Variants in IMMP2L observed in about 807,000 individuals in gnomAD.
IMMP2L encodes inner mitochondrial membrane peptidase subunit 2, also known as mitochondrial inner membrane protease subunit 2.
In IMMP2L, 18 loss-of-function variants were observed where a neutral mutation model predicts 19.3. The observed-to-expected ratio is 0.93, with a 90% CI of 0.64 to 1.38. The LOEUF (loss-of-function observed/expected upper bound fraction) is 1.38, where lower values mean the gene tolerates loss of function less well. IMMP2L is among the 40% of genes most tolerant of loss of function. The pLI, the probability that IMMP2L is intolerant of heterozygous loss-of-function variation, is 0.00. For missense variants in IMMP2L, 233 were observed against 218.2 expected (o/e 1.07, Z -0.43); for synonymous variants, 76 against 73.0 (o/e 1.04, Z -0.21).
chr7:110,918,616 T>C (rs1585263272), intron 4 of IMMP2L, among the ~76,000 whole-genome samples: 1 of 151,682 alleles, frequency 6.6e-6, no homozygotes, highest in South Asian at 2.1e-4. Flanking sequence ...CCACCACAGT[T>C]GGCTAATTTT....
chr7:111,514,993 T>G (rs141773540), intron 2 of IMMP2L, among the ~76,000 whole-genome samples: 80 of 152,250 alleles, frequency 5.3e-4, no homozygotes, highest in Admixed American at 9.2e-4. Flanking sequence ...TCTCCTCTCT[T>G]TCTTTCAACT....
intron 3 of IMMP2L, among the ~76,000 whole-genome samples, chr7:111,339,138 A>G (rs927310334): frequency 6.6e-6 from 1 of 152,100 alleles, no homozygotes; most frequent in African/African-American, 2.4e-5. Context: ...CAACTGAATT[A>G]TATAATAGAA....
intron 1 of IMMP2L, among the ~76,000 whole-genome samples, chr7:111,532,192 G>C (rs1267349039): frequency 6.6e-6 from 1 of 152,120 alleles, no homozygotes; most frequent in Non-Finnish European, 1.5e-5. Context: ...GTGACAGCCA[G>C]TTTCCAAAGC....
intron 3 of IMMP2L, among the ~76,000 whole-genome samples, chr7:111,445,022 A>T (rs1392726792): frequency 6.6e-6 from 1 of 152,188 alleles, no homozygotes. Context: ...TTTTTCTAAG[A>T]AACAGCTAGG....
In IMMP2L at chr7:111,309,861, T is replaced by C. The variant is rs184461444; in HGVS notation, c.239+177377A>G. ...TATTACTATTCATGTATTACTATTT[T>C]AGAGATTTTAAAATATTTTGATGGC... On this transcript the variant is annotated intron_variant, in intron 3 of 5. Coordinates refer to ENST00000405709, the MANE Select transcript of IMMP2L (RefSeq NM_032549.4). 2.0e-5 allele frequency among the ~76,000 whole-genome samples: 3 copies of C among 152,310 alleles called. No homozygotes were observed. The East Asian group carries it at 5.8e-4, about 29-fold the overall frequency.
At chr7:111,408,544 C>T (rs1313727628) in intron 3 of IMMP2L, among the ~76,000 whole-genome samples, 1 of 151,696 alleles carries the variant, frequency 6.6e-6, no homozygotes, top group Non-Finnish European at 1.5e-5. Context: ...GCAAGCATAT[C>T]ATTTTGTTCC....
chr7:111,332,983 C>CTTAG (rs1347949933), intron 3 of IMMP2L, among the ~76,000 whole-genome samples: 1 of 152,030 alleles, frequency 6.6e-6, no homozygotes, highest in African/African-American at 2.4e-5. Flanking sequence ...TAGGGTGTCT[C>CTTAG]TTAGTATTAC....
At chr7:111,496,396 C>T (rs949351536) in intron 2 of IMMP2L, among the ~76,000 whole-genome samples, 1 of 152,104 alleles carries the variant, frequency 6.6e-6, no homozygotes, top group Non-Finnish European at 1.5e-5. Flanking sequence ...GTCAACTTGA[C>T]TAGATTAAGG....
At chr7:111,078,728 T>TATTC (rs1795626124) in intron 3 of IMMP2L, among the ~76,000 whole-genome samples, 2 of 151,874 alleles carry the variant, frequency 1.3e-5, no homozygotes, top group African/African-American at 4.8e-5. Context: ...TATTTTTATT[T>TATTC]ATTTATTTAT....
intron 3 of IMMP2L, among the ~76,000 whole-genome samples, chr7:111,030,880 GTGTGTATATATATATATA>G (rs1467264664): frequency 3.5e-4 from 6 of 17,178 alleles, no homozygotes; most frequent in African/African-American, 5.0e-4. Flanking sequence ...GTGTGTGTGT[GTGTGTATATATATATATA>G]TATATATATA....
chr7:111,041,479 T>A (rs780222575), intron 3 of IMMP2L, among the ~76,000 whole-genome samples: 1 of 151,816 alleles, frequency 6.6e-6, no homozygotes, highest in Non-Finnish European at 1.5e-5. Context: ...CTTTTCTAGT[T>A]TGCATTCTTT....
chr7:111,076,159 GCTCTT>G (rs2129575851), intron 3 of IMMP2L, among the ~76,000 whole-genome samples: 1 of 152,276 alleles, frequency 6.6e-6, no homozygotes, highest in Non-Finnish European at 1.5e-5. Flanking sequence ...ATGTGTGCTA[GCTCTT>G]TGCTACTCAA....
chr7:111,285,701 A>G (rs1820408027), intron 3 of IMMP2L, among the ~76,000 whole-genome samples: 1 of 152,182 alleles, frequency 6.6e-6, no homozygotes, highest in Admixed American at 6.5e-5. Flanking sequence ...ACAGCATATG[A>G]TAGCACTTAA....
chr7:110,973,035 CAG>C (rs2129556852), intron 3 of IMMP2L, among the ~76,000 whole-genome samples: 1 of 151,988 alleles, frequency 6.6e-6, no homozygotes, highest in East Asian at 1.9e-4. Flanking sequence ...TGATGGTTGC[CAG>C]AGATTGTTGG....
In IMMP2L at chr7:110,961,560, A is replaced by C. The variant is rs568664734; in HGVS notation, c.305+1940T>G. Among the ~76,000 whole-genome samples, 5 of 151,812 alleles carry C rather than the reference A, an allele frequency of 3.3e-5. No homozygotes were observed. In the East Asian group the frequency reaches 7.8e-4, roughly 24 times the overall value. ...ATACAGAGGGCCAACTGTATACCCG[A>C]TAGAAATGAGAATATGTTTCCACCA... On this transcript the variant is annotated intron_variant, in intron 4 of 5. Coordinates refer to ENST00000405709, the MANE Select transcript of IMMP2L (RefSeq NM_032549.4).
intron 3 of IMMP2L, among the ~76,000 whole-genome samples, chr7:111,215,805 G>A (rs1811864786): frequency 6.6e-6 from 1 of 152,000 alleles, no homozygotes; most frequent in Admixed American, 6.6e-5. Flanking sequence ...CAAAACTGTT[G>A]AAGTCATTCT....
At chr7:111,241,891 G>A (rs930155446) in intron 3 of IMMP2L, among the ~76,000 whole-genome samples, 43 of 151,948 alleles carry the variant, frequency 2.8e-4, no homozygotes, top group Non-Finnish European at 4.7e-4. Context: ...GATATTTGCA[G>A]GTATTGCTAC....
chr7:111,534,765 G>A (rs1847728063), intron 1 of IMMP2L, among the ~76,000 whole-genome samples: 1 of 152,290 alleles, frequency 6.6e-6, no homozygotes, highest in African/African-American at 2.4e-5. Flanking sequence ...CCAAGAGCAA[G>A]TCTTCTCCCA....
intron 3 of IMMP2L, among the ~76,000 whole-genome samples, chr7:111,024,586 C>T (rs941863859): frequency 6.6e-6 from 1 of 152,170 alleles, no homozygotes; most frequent in Non-Finnish European, 1.5e-5. Context: ...GATAAAGTGC[C>T]TGATGCCCAG....
Sources: allele counts gnomAD v4.1 joint callset (sites outside exome capture counted in the v4.1 genomes callset), GRCh38; gene constraint gnomAD v4.1.1; transcripts MANE v1.5; gene names NCBI Gene and HGNC (gene_info 2026-07-23, HGNC 2026-07-21).